ABHD12: variants seen among roughly 807,000 people sequenced by gnomAD.
The protein encoded by ABHD12 is abhydrolase domain containing 12, lysophospholipase.
ABHD12 carries 43 observed loss-of-function variants against 58.3 expected under a neutral mutation model. That is an observed-to-expected ratio of 0.74 (90% CI 0.58 to 0.95). ABHD12 has a LOEUF of 0.95. Ranked by LOEUF, ABHD12 falls within the 40% of genes least tolerant of loss-of-function variation. ABHD12 has a pLI of 0.00. For missense variants in ABHD12, 539 were observed against 537.2 expected (o/e 1.00, Z -0.03); for synonymous variants, 219 against 211.2 (o/e 1.04, Z -0.32).
chr20:25,375,861 A>T (rs2500401), intron 1 of ABHD12, among the ~76,000 whole-genome samples: 2 of 151,984 alleles, frequency 1.3e-5, no homozygotes, highest in African/African-American at 4.8e-5. Context: ...AGTGGCTCAC[A>T]CCTGTAATCC....
Position 25,314,872 on chromosome 20 carries a change from C to A in ABHD12, c.619+53G>T, listed in dbSNP as rs1555812325. 21 of 1,601,242 alleles carry A rather than the reference C, an allele frequency of 1.3e-5. No homozygotes were observed. The South Asian group carries it at 2.1e-4, about 16-fold the overall frequency. On this transcript the variant is annotated intron_variant, in intron 6 of 12. Transcript: ENST00000339157. The stretch of plus-strand genomic sequence containing the variant: ...TCGAGTGAGGCCTGCCCATGGGATA[C>A]CGCCAGCAAGCAGTGGAATTGTGCT...
chr20:25,300,649 C>A lies in ABHD12; in HGVS notation c.*196G>T, dbSNP rs1404298800. The A allele has an allele frequency of 4.1e-5, 60 of 1,474,230 alleles. 2 individuals are homozygous for A. The East Asian group carries it at 1.5e-3, about 37-fold the overall frequency. The allele number at this position is 1,474,230 out of a possible 1,614,324, so 91.3% of individuals were successfully genotyped here. A position where few individuals can be genotyped will look rare whatever the true frequency, so the allele number is the denominator to read the frequency against. On this transcript the variant is annotated 3_prime_UTR_variant, in exon 13 of 13. Coordinates refer to ENST00000339157, the MANE Select transcript of ABHD12 (RefSeq NM_001042472.3). ...ATGCCTGCCACCCACGCTTTCCACA[C>A]AGCCATGCTCAGGCCTCCGGGCACT...
In ABHD12 at chr20:25,344,330, G is replaced by A. The variant is rs547042656; in HGVS notation, c.192-4979C>T. On this transcript the variant is annotated intron_variant, in intron 1 of 12. Transcript: ENST00000339157. ...AAGATCTAAAACTTGGAACTAATTA[G>A]TGATTATAGCAAGGTTCCAGGATAC... Among the ~76,000 whole-genome samples, 7 of 152,274 alleles carry A rather than the reference G, an allele frequency of 4.6e-5. No homozygotes were observed. The South Asian group carries it at 1.5e-3, about 32-fold the overall frequency.
intron 1 of ABHD12, among the ~76,000 whole-genome samples, chr20:25,348,460 A>C (rs891919115): frequency 3.6e-4 from 54 of 151,378 alleles, no homozygotes; most frequent in African/African-American, 8.7e-4. Flanking sequence ...AAAAAAAAAA[A>C]AAAAAAACAA....
chr20:25,330,088 G>A (rs1021682928), intron 2 of ABHD12, among the ~76,000 whole-genome samples: 6 of 152,230 alleles, frequency 3.9e-5, no homozygotes, highest in Admixed American at 6.5e-5. Context: ...GACAGTGGGC[G>A]CAGGTCAGTG....
downstream of ABHD12, chr20:25,297,442 G>GTTGT (rs2088565828): frequency 6.6e-6 from 1 of 152,486 alleles, no homozygotes; most frequent in Non-Finnish European, 1.5e-5. Flanking sequence ...GCTGTGTCCT[G>GTTGT]AGGTGCATTT....
chr20:25,302,495 G>A (rs2088656015), intron 11 of ABHD12, 149 bp from the exon 12 acceptor site: 2 of 1,061,822 alleles, frequency 1.9e-6, no homozygotes, highest in African/African-American at 1.6e-5. Flanking sequence ...ACGACCAGGA[G>A]GCCCGGGGGT....
At chr20:25,361,393 G>T (rs1405346450) in intron 1 of ABHD12, among the ~76,000 whole-genome samples, 1 of 151,792 alleles carries the variant, frequency 6.6e-6, no homozygotes, top group East Asian at 1.9e-4. Context: ...AACAGTCTAT[G>T]CGTGTTTTTT....
chr20:25,330,028 T>C (rs2146001133), intron 2 of ABHD12, among the ~76,000 whole-genome samples: 1 of 152,308 alleles, frequency 6.6e-6, no homozygotes, highest in Non-Finnish European at 1.5e-5. Flanking sequence ...AGACGGGTGA[T>C]TTCTGCATTT....
chr20:25,300,193 C>T (rs553486558), downstream of ABHD12: 23 of 994,182 alleles, frequency 2.3e-5, no homozygotes, highest in East Asian at 8.6e-4. Flanking sequence ...TGACCCTTCT[C>T]GCGCTGCAGA....
At chr20:25,388,346 G>C (rs1365753442) in intron 1 of ABHD12, among the ~76,000 whole-genome samples, 8 of 152,196 alleles carry the variant, frequency 5.3e-5, no homozygotes, top group Admixed American at 4.6e-4. Flanking sequence ...CCAGGTACTG[G>C]AGATACTTAA....
chr20:25,316,934 A>T, intron 5 of ABHD12, 114 bp downstream of exon 5: 12 of 995,556 alleles, frequency 1.2e-5, no homozygotes, highest in Non-Finnish European at 1.3e-5. Flanking sequence ...TGTCTCACAC[A>T]CACAAACAGC....
At chr20:25,303,486 G>C (rs765890466) in intron 11 of ABHD12, 64 bp downstream of exon 11, 4 of 1,598,034 alleles carry the variant, frequency 2.5e-6, no homozygotes, top group Non-Finnish European at 3.4e-6. Context: ...TCCCAGCCTG[G>C]TCCACCCACA....
At chr20:25,352,968 C>T (rs1018705235) in intron 1 of ABHD12, among the ~76,000 whole-genome samples, 6 of 152,092 alleles carry the variant, frequency 3.9e-5, no homozygotes, top group East Asian at 1.9e-4. Flanking sequence ...GCTATGATCA[C>T]GTCACTGCAC....
chr20:25,300,838 G>A lies in ABHD12; in HGVS notation c.*7C>T, dbSNP rs1325366298. The stretch of plus-strand genomic sequence containing the variant: ...GAGGTCTTCATGCTTCCTTCCCACG[G>A]CCAGGCTCAGTGCTGGTGCTCAGGC... On this transcript the variant is annotated 3_prime_UTR_variant, in exon 13 of 13. Transcript: ENST00000339157. 8 of 1,614,066 alleles carry A rather than the reference G, an allele frequency of 5.0e-6. No individual in the cohort carries two copies. Among genetic ancestry groups the A allele is most frequent in the Middle Eastern group, 1.7e-4 (1 of 6,058 alleles).
intron 1 of ABHD12, among the ~76,000 whole-genome samples, chr20:25,351,963 C>T (rs1245601336): frequency 6.6e-6 from 1 of 152,176 alleles, no homozygotes; most frequent in African/African-American, 2.4e-5. Context: ...GTGCTAGGCA[C>T]AGTAAACAAC....
chr20:25,384,967 A>G (rs140343054), intron 1 of ABHD12, among the ~76,000 whole-genome samples: 4 of 151,854 alleles, frequency 2.6e-5, no homozygotes, highest in Non-Finnish European at 4.4e-5. Flanking sequence ...GTGTGTGTGT[A>G]TGTGTGTGTG....
chr20:25,295,639 A>G (rs1291857752), downstream of ABHD12: 9 of 1,614,090 alleles, frequency 5.6e-6, no homozygotes, highest in Non-Finnish European at 6.8e-6. Context: ...GCCTACATGC[A>G]GTGCCAGGCA....
intron 3 of ABHD12, among the ~76,000 whole-genome samples, chr20:25,322,067 A>G (rs1473263933): frequency 2.6e-5 from 4 of 152,150 alleles, no homozygotes; most frequent in Non-Finnish European, 5.9e-5. Flanking sequence ...AAATTCAGCT[A>G]GATAAAAGGG....
Sources: allele counts gnomAD v4.1 joint callset (sites outside exome capture counted in the v4.1 genomes callset), GRCh38; gene constraint gnomAD v4.1.1; transcripts MANE v1.5; gene names NCBI Gene and HGNC (gene_info 2026-07-23, HGNC 2026-07-21).